The following BEND7 variants were observed in gnomAD, a reference collection of about 807,000 sequenced individuals.
The protein encoded by BEND7 is BEN domain-containing protein 7.
BEND7 carries 28 observed loss-of-function variants against 50.9 expected under a neutral mutation model. The ratio of observed to expected loss-of-function variants is 0.55; its 90% CI spans 0.41 to 0.75. The LOEUF (loss-of-function observed/expected upper bound fraction) is 0.75. Among genes scored for constraint, BEND7 ranks in the 30% least tolerant of loss-of-function variants. The probability of loss-of-function intolerance (pLI) is 0.00; values close to 1 mark genes in which losing one functional copy is unlikely to be tolerated. For synonymous variants in BEND7, 170 were observed against 183.9 expected (o/e 0.92, Z 0.61); for missense variants, 477 against 491.3 (o/e 0.97, Z 0.28).
chr10:13,513,114 C>G (rs764605731), intron 2 of BEND7, among the ~76,000 whole-genome samples: 3 of 152,198 alleles, frequency 2.0e-5, no homozygotes, highest in Non-Finnish European at 4.4e-5. Context: ...TTCTATTCTA[C>G]TCTATTTCTT....
chr10:13,492,556 A>C (rs2076737994), intron 5 of BEND7, 55 bp downstream of exon 5: 12 of 1,597,046 alleles, frequency 7.5e-6, no homozygotes, highest in Non-Finnish European at 1.0e-5. Flanking sequence ...AAATACTATA[A>C]AATTCCCAAA....
At chr10:13,516,654 G>A (rs1046130811) in intron 2 of BEND7, among the ~76,000 whole-genome samples, 5 of 152,094 alleles carry the variant, frequency 3.3e-5, no homozygotes, top group South Asian at 2.1e-4. Flanking sequence ...TGAACCTGGC[G>A]GTGAAGGATG....
chr10:13,506,041 C>G (rs568291932), intron 2 of BEND7, among the ~76,000 whole-genome samples: 9 of 152,294 alleles, frequency 5.9e-5, no homozygotes, highest in African/African-American at 2.2e-4. Flanking sequence ...CAAAGATCAT[C>G]GGGTACAAAT....
chr10:13,494,385 C>G (rs866607024), intron 4 of BEND7, among the ~76,000 whole-genome samples: 3 of 152,198 alleles, frequency 2.0e-5, no homozygotes, highest in Non-Finnish European at 4.4e-5. Flanking sequence ...CCACTGCACT[C>G]CAGCCTGGCG....
At chr10:13,504,814 T>C (rs2077747727) in intron 2 of BEND7, among the ~76,000 whole-genome samples, 1 of 152,198 alleles carries the variant, frequency 6.6e-6, no homozygotes, top group South Asian at 2.1e-4. Context: ...TTAGTAACTA[T>C]ACTCCTTGGA....
intron 4 of BEND7, 94 bp downstream of exon 4, chr10:13,496,652 CAAGACAGCAAGGTGAGAAGA>C: frequency 7.9e-7 from 1 of 1,264,322 alleles, no homozygotes; most frequent in Non-Finnish European, 1.1e-6. Context: ...AAAGGCACAG[CAAGACAGCAAGGTGAGAAGA>C]AGGCTTTAAT....
intron 6 of BEND7, among the ~76,000 whole-genome samples, chr10:13,466,465 A>C (rs2074260525): frequency 6.6e-6 from 1 of 152,100 alleles, no homozygotes; most frequent in African/African-American, 2.4e-5. Flanking sequence ...AGGCTGAGAC[A>C]TGAGAATTGC....
intron 2 of BEND7, chr10:13,500,808 A>G: frequency 1.0e-6 from 1 of 985,274 alleles, no homozygotes; most frequent in South Asian, 4.7e-5. Flanking sequence ...GGTCCCTGCC[A>G]CTCGAGGTCA....
At position 13,461,732 on chromosome 10, in the gene BEND7, T is replaced by A. The variant is rs201491951; in HGVS notation, c.1064-9074A>T. Among the ~76,000 whole-genome samples, 4 of 147,216 alleles carry A rather than the reference T, an allele frequency of 2.7e-5. No individual in the cohort carries two copies. In the East Asian group the frequency reaches 6.0e-4, roughly 22 times the overall value. ...TGGGAGACAGAGCGAGACTCCATCT[T>A]AAAAAAAAAAAAATGAAATGCTTGG... On this transcript the variant is annotated intron_variant, in intron 6 of 8. Coordinates refer to ENST00000466271, the MANE Select transcript of BEND7 (RefSeq NM_001369863.1).
At chr10:13,500,847 A>T (rs139883656) in intron 2 of BEND7, 7 of 985,362 alleles carry the variant, frequency 7.1e-6, no homozygotes, top group Non-Finnish European at 8.4e-6. Context: ...GAAGGGCGGA[A>T]GTGCAACCTC....
intron 2 of BEND7, among the ~76,000 whole-genome samples, chr10:13,503,630 T>C (rs956696903): frequency 7.9e-5 from 12 of 152,166 alleles, no homozygotes; most frequent in African/African-American, 2.2e-4. Context: ...GAGAATCACT[T>C]GAACCTGGGA....
In BEND7 at chr10:13,488,653, A is replaced by AT. The variant is rs767813098; in HGVS notation, c.837+3957dup. ...CAGGCATGCGCCACTGCGCCTAGCT[A>AT]TTTTTTTTTATTTTCAGTAGAGACG... On this transcript the variant is annotated intron_variant, in intron 5 of 8. Coordinates refer to ENST00000466271, the MANE Select transcript of BEND7 (RefSeq NM_001369863.1). 5.4e-3 allele frequency among the ~76,000 whole-genome samples: 821 copies of AT among 151,374 alleles called. 6 individuals are homozygous for AT. The highest frequency in any genetic ancestry group is 0.014 in the African/African-American group (596 of 41,268).
intron 5 of BEND7, 62 bp from the exon 6 acceptor site, chr10:13,481,186 A>C: frequency 1.3e-6 from 2 of 1,499,238 alleles, no homozygotes. Context: ...CTTTGGGTAC[A>C]TGAGCAACAA....
chr10:13,501,200 C>T (rs1393941531), intron 2 of BEND7, among the ~76,000 whole-genome samples: 3 of 151,610 alleles, frequency 2.0e-5, no homozygotes, highest in Non-Finnish European at 4.4e-5. Context: ...CATGGAGAAA[C>T]CCTGTCTCTA....
At chr10:13,475,769 C>G (rs943537361) in intron 6 of BEND7, among the ~76,000 whole-genome samples, 1 of 152,170 alleles carries the variant, frequency 6.6e-6, no homozygotes, top group South Asian at 2.1e-4. Context: ...TTCAAATACT[C>G]CTTTTAGAAA....
intron 8 of BEND7, 153 bp downstream of exon 8, chr10:13,447,113 G>T: frequency 1.3e-6 from 1 of 743,060 alleles, no homozygotes; most frequent in Admixed American, 2.3e-5. Context: ...TGAGTACGGG[G>T]CCTTGAGAAG....
At chr10:13,458,387 G>A (rs1446712520) in intron 6 of BEND7, among the ~76,000 whole-genome samples, 1 of 152,228 alleles carries the variant, frequency 6.6e-6, no homozygotes, top group Non-Finnish European at 1.5e-5. Context: ...GTTCTCCTGA[G>A]GGACTTTTAA....
chr10:13,515,950 G>C (rs1287802720), intron 2 of BEND7, among the ~76,000 whole-genome samples: 3 of 152,214 alleles, frequency 2.0e-5, no homozygotes, highest in Non-Finnish European at 4.4e-5. Flanking sequence ...AACATGTGGA[G>C]AGTGGGATGA....
chr10:13,454,937 C>T (rs1176869448), intron 6 of BEND7, among the ~76,000 whole-genome samples: 1 of 152,058 alleles, frequency 6.6e-6, no homozygotes, highest in Non-Finnish European at 1.5e-5. Context: ...TCTGGGAGGC[C>T]AAGGCGGGTG....
Sources: allele counts gnomAD v4.1 joint callset (sites outside exome capture counted in the v4.1 genomes callset), GRCh38; gene constraint gnomAD v4.1.1; transcripts MANE v1.5; gene names NCBI Gene and HGNC (gene_info 2026-07-23, HGNC 2026-07-21).